Variants in CRPPA observed in about 807,000 individuals in gnomAD.
CRPPA encodes the protein D-ribitol-5-phosphate cytidylyltransferase.
A neutral mutation model predicts 52.0 loss-of-function variants in CRPPA; 43 were observed. The ratio of observed to expected loss-of-function variants is 0.83; its 90% CI spans 0.65 to 1.07. The LOEUF is 1.07. CRPPA is among the 50% of genes least tolerant of loss of function. The pLI, the probability that CRPPA is intolerant of heterozygous loss-of-function variation, is 0.00. For missense variants in CRPPA, 629 were observed against 551.7 expected, an observed-to-expected ratio of 1.14 and a Z score of -1.40; for synonymous variants, 250 against 203.5, an observed-to-expected ratio of 1.23 and a Z score of -1.94.
At chr7:16,289,466 C>G (rs543902205) in intron 5 of CRPPA, among the ~76,000 whole-genome samples, 7 of 152,174 alleles carry the variant, frequency 4.6e-5, no homozygotes, top group African/African-American at 1.7e-4. Context: ...AGCAGCATAT[C>G]AAAAGATAAA....
At chr7:16,253,755 A>G (rs1783527571) in intron 8 of CRPPA, among the ~76,000 whole-genome samples, 1 of 152,194 alleles carries the variant, frequency 6.6e-6, no homozygotes, top group Non-Finnish European at 1.5e-5. Flanking sequence ...ATTAAACTAA[A>G]GAGCTTCTGC....
intron 3 of CRPPA, among the ~76,000 whole-genome samples, chr7:16,331,947 C>T (rs1231904383): frequency 1.3e-5 from 2 of 152,006 alleles, no homozygotes; most frequent in Non-Finnish European, 2.9e-5. Context: ...ATAATTTCTC[C>T]AAATTAATGT....
chr7:16,411,874 A>C (rs966543524), intron 1 of CRPPA, among the ~76,000 whole-genome samples: 1 of 152,196 alleles, frequency 6.6e-6, no homozygotes, highest in Admixed American at 6.5e-5. Flanking sequence ...GTCACTTTTC[A>C]TAGTATATTC....
At chr7:16,260,684 C>T (rs187317164) in intron 6 of CRPPA, among the ~76,000 whole-genome samples, 2 of 151,514 alleles carry the variant, frequency 1.3e-5, no homozygotes, top group East Asian at 3.9e-4. Context: ...ATCACCAGAT[C>T]TTAACTTCAA....
chr7:16,258,156 G>T (rs1783692996), intron 8 of CRPPA, among the ~76,000 whole-genome samples: 1 of 151,138 alleles, frequency 6.6e-6, no homozygotes, highest in Admixed American at 6.6e-5. Flanking sequence ...ATATGAAATT[G>T]GTTGCTGGGT....
At position 16,132,653 on chromosome 7, in the gene CRPPA, A is replaced by T. The variant is rs191404920; in HGVS notation, c.1252-40854T>A. On this transcript the variant is annotated intron_variant, in intron 9 of 9. Coordinates refer to ENST00000407010, the MANE Select transcript of CRPPA (RefSeq NM_001101426.4). ...CTTGAACCACATAAGCTTGAACTGC[A>T]TGGGTTTACTTACATGCAAATTTTT... Among the ~76,000 whole-genome samples, 9 of 125,138 alleles carry T rather than the reference A, an allele frequency of 7.2e-5. 2 individuals carry two copies. In the East Asian group the frequency reaches 2.7e-3, roughly 38 times the overall value. The allele number at this position is 125,138 out of a possible 152,430, so 82.1% of individuals were successfully genotyped here.
At chr7:16,105,369 G>A (rs74816913) in intron 9 of CRPPA, among the ~76,000 whole-genome samples, 5,449 of 152,284 alleles carry the variant, frequency 0.036, 320 homozygotes, top group African/African-American at 0.12. Context: ...CACAATGCCA[G>A]ATGAAAAGAA....
intron 2 of CRPPA, among the ~76,000 whole-genome samples, chr7:16,381,938 T>C (rs940627337): frequency 6.6e-6 from 1 of 152,180 alleles, no homozygotes; most frequent in African/African-American, 2.4e-5. Context: ...GTCTTCACTC[T>C]TTATCCAATT....
chr7:16,379,248 G>A lies in CRPPA; in HGVS notation c.535-3007C>T, dbSNP rs184510050. ...GGGTTTTTATGGTTTTAGGTCTAAC[G>A]TTTAAGTCTTTAATCCATCTTGAAT... On this transcript the variant is annotated intron_variant, in intron 2 of 9. Transcript: ENST00000407010. 6.1e-3 allele frequency among the ~76,000 whole-genome samples: 936 copies of A among 152,202 alleles called. 9 individuals are homozygous for A. Among genetic ancestry groups the A allele is most frequent in the African/African-American group, 0.021 (858 of 41,534 alleles).
At position 16,244,910 on chromosome 7, in the gene CRPPA, A is replaced by AT. The variant is rs552755560; in HGVS notation, c.1119+13479dup. Among the ~76,000 whole-genome samples the AT allele has an allele frequency of 1.1e-3, 163 of 152,290 alleles. 1 individual carries two copies. Among genetic ancestry groups the AT allele is most frequent in the Non-Finnish European group, 2.0e-3 (133 of 68,018 alleles). ...ATAACTCAAAAATAAGAACAGACAT[A>AT]TTTTTCTATAACTTTGATATCATTT... On this transcript the variant is annotated intron_variant, in intron 8 of 9. Transcript: ENST00000407010.
chr7:16,298,561 A>T (rs373281269), intron 5 of CRPPA, among the ~76,000 whole-genome samples: 26 of 152,364 alleles, frequency 1.7e-4, no homozygotes, highest in African/African-American at 6.3e-4. Flanking sequence ...TAAGTGCCCA[A>T]TTAATGCTGT....
chr7:16,264,790 G>A (rs775122883), intron 6 of CRPPA, among the ~76,000 whole-genome samples: 18 of 152,108 alleles, frequency 1.2e-4, no homozygotes, highest in Non-Finnish European at 1.8e-4. Flanking sequence ...CTAGCATTCA[G>A]CATTTACTAT....
intron 3 of CRPPA, among the ~76,000 whole-genome samples, chr7:16,313,336 C>T (rs1562625415): frequency 6.6e-6 from 1 of 151,922 alleles, no homozygotes; most frequent in Admixed American, 6.6e-5. Context: ...ACCTAAGTTA[C>T]TAAGTTTTTA....
chr7:16,152,165 G>A (rs1783087799), intron 9 of CRPPA, among the ~76,000 whole-genome samples: 1 of 151,816 alleles, frequency 6.6e-6, no homozygotes. Flanking sequence ...AAAATATGAT[G>A]GAAATGTGAG....
rs1583498319 is a variant in CRPPA, at chr7:16,294,696, A to G, written c.835+6725T>C. On this transcript the variant is annotated intron_variant, in intron 5 of 9. Coordinates refer to ENST00000407010, the MANE Select transcript of CRPPA (RefSeq NM_001101426.4). ...ATTAAGTGTCATACTCAAAGCCAGA[A>G]ACATCAAAACTTGGGGTTACTATAT... 3.9e-5 allele frequency among the ~76,000 whole-genome samples: 6 copies of G among 152,116 alleles called. No individual in the cohort carries two copies. The South Asian group carries it at 1.2e-3, about 32-fold the overall frequency.
At chr7:16,242,986 A>G (rs1328061098) in intron 8 of CRPPA, among the ~76,000 whole-genome samples, 2 of 152,186 alleles carry the variant, frequency 1.3e-5, no homozygotes, top group Non-Finnish European at 2.9e-5. Context: ...CAAGTAATCA[A>G]TATCACCACC....
At chr7:16,131,585 C>T (rs1782682010) in intron 9 of CRPPA, among the ~76,000 whole-genome samples, 2 of 151,998 alleles carry the variant, frequency 1.3e-5, no homozygotes, top group African/African-American at 4.8e-5. Flanking sequence ...CTTTCTCCAC[C>T]TAGATTTTTC....
At chr7:16,139,390 A>G (rs1235178772) in intron 9 of CRPPA, among the ~76,000 whole-genome samples, 2 of 152,206 alleles carry the variant, frequency 1.3e-5, no homozygotes, top group African/African-American at 2.4e-5. Context: ...GAAAGTCCTC[A>G]TCAAATATAA....
At chr7:16,123,763 T>C (rs1243547980) in intron 9 of CRPPA, among the ~76,000 whole-genome samples, 1 of 152,152 alleles carries the variant, frequency 6.6e-6, no homozygotes, top group East Asian at 1.9e-4. Flanking sequence ...ACTTACAACT[T>C]TTCATATTTT....
Sources: gnomAD v4.1 joint callset for allele counts (sites outside exome capture counted in the v4.1 genomes callset) on GRCh38, gnomAD v4.1.1 for gene constraint, MANE v1.5 for transcripts, NCBI Gene and HGNC (gene_info 2026-07-23, HGNC 2026-07-21) for gene names.